The following SUMF1 variants were observed in gnomAD, a reference collection of about 807,000 sequenced individuals.
SUMF1 encodes formylglycine-generating enzyme.
In SUMF1, 48 loss-of-function variants were observed where a neutral mutation model predicts 47.6. The observed-to-expected ratio is 1.01, with a 90% CI of 0.80 to 1.28. The LOEUF is 1.28. Ranked by LOEUF, SUMF1 falls within the 50% of genes most tolerant of loss-of-function variation. SUMF1 has a pLI of 0.00. For synonymous variants in SUMF1, 230 were observed against 192.1 expected (o/e 1.20, Z -1.63); for missense variants, 571 against 485.4 (o/e 1.18, Z -1.66).
At chr3:4,280,064 A>G (rs1162687767) in intron 8 of SUMF1, among the ~76,000 whole-genome samples, 1 of 152,184 alleles carries the variant, frequency 6.6e-6, no homozygotes, top group Non-Finnish European at 1.5e-5. Context: ...TTTGAAAACC[A>G]CTAAGACAGT....
intron 8 of SUMF1, among the ~76,000 whole-genome samples, chr3:4,281,467 T>A (rs775510760): frequency 3.9e-5 from 6 of 152,190 alleles, no homozygotes; most frequent in Non-Finnish European, 7.3e-5. Context: ...GCCATAGATA[T>A]TGATAATTCC....
chr3:4,211,067 T>A (rs1175746308), intron 8 of SUMF1, among the ~76,000 whole-genome samples: 1 of 143,252 alleles, frequency 7.0e-6, no homozygotes, highest in African/African-American at 2.6e-5. Context: ...TGCAGGACCG[T>A]GTGATTGTGT....
At chr3:4,204,864 T>A (rs141629609) in intron 8 of SUMF1, among the ~76,000 whole-genome samples, 57 of 152,226 alleles carry the variant, frequency 3.7e-4, no homozygotes, top group African/African-American at 1.4e-3. Flanking sequence ...GTTAAGTTTA[T>A]CTTATAAAAT....
At chr3:4,451,955 TTAC>T (rs1702986057) in intron 2 of SUMF1, among the ~76,000 whole-genome samples, 1 of 152,140 alleles carries the variant, frequency 6.6e-6, no homozygotes, top group South Asian at 2.1e-4. Context: ...CGTGCTGAGA[TTAC>T]AGGCGTGAGC....
At chr3:4,041,799 T>G (rs1474689558) in intron 9 of SUMF1, among the ~76,000 whole-genome samples, 1 of 152,216 alleles carries the variant, frequency 6.6e-6, no homozygotes. Context: ...TTTGCCTTTT[T>G]CACAGAGAGA....
In SUMF1 at chr3:4,259,071, C is replaced by T. The variant is rs528126399; in HGVS notation, c.1014+117259G>A. Among the ~76,000 whole-genome samples, 791 of 143,716 alleles carry T rather than the reference C, an allele frequency of 5.5e-3. 6 individuals are homozygous for T. The highest frequency in any genetic ancestry group is 0.019 in the African/African-American group (716 of 38,688). 94.3% of individuals were successfully genotyped at this position (143,716 alleles called of 152,430 possible). ...AGGTGGGAATTGAACAATGAGATCACATGGACCCAGGAAGGGGGATATCAC... is the reference window on the plus strand; with the variant it reads ...AGGTGGGAATTGAACAATGAGATCATATGGACCCAGGAAGGGGGATATCAC... On this transcript the variant is annotated intron_variant and NMD_transcript_variant, in intron 8 of 12. Transcript: ENST00000448413.
intron 8 of SUMF1, among the ~76,000 whole-genome samples, chr3:4,206,117 G>T (rs1252092796): frequency 2.6e-5 from 4 of 151,528 alleles, no homozygotes; most frequent in Non-Finnish European, 5.9e-5. Flanking sequence ...ATTTAATATG[G>T]CTAAGCCAGT....
intron 1 of SUMF1, among the ~76,000 whole-genome samples, chr3:4,459,757 A>C (rs201088380): frequency 2.0e-5 from 3 of 152,144 alleles, no homozygotes; most frequent in African/African-American, 7.2e-5. Context: ...CTACCCCCAG[A>C]TAACTGCAGA....
Position 4,418,045 on chromosome 3 carries a change from C to T in SUMF1, c.690G>A (p.Glu230=), listed in dbSNP as rs1469354700. The change falls in exon 5 of 9, where the codon GAG becomes GAA. Residue 230 remains glutamate (E), a synonymous_variant. Transcript: ENST00000272902. ...GGCCTCCTCGACAGCTGTATTCCCA[C>T]TCAGCTTCCGTGGGCAGCCGCTTCC... ...WAGKRLPTEA[E]WEYSCRGGLH... The T allele has an allele frequency of 3.1e-6, 5 of 1,613,952 alleles. No individual in the cohort carries two copies. In the African/African-American group the frequency reaches 6.7e-5, roughly 22 times the overall value.
chr3:4,091,899 A>C (rs75700504), intron 8 of SUMF1, among the ~76,000 whole-genome samples: 4,631 of 151,806 alleles, frequency 0.031, 257 homozygotes, highest in African/African-American at 0.1. Flanking sequence ...AAAAAAAAAA[A>C]AACCATCTTC....
At chr3:4,370,453 T>G (rs1323226527) in intron 8 of SUMF1, among the ~76,000 whole-genome samples, 1 of 152,226 alleles carries the variant, frequency 6.6e-6, no homozygotes, top group Admixed American at 6.5e-5. Context: ...TAGGTTTTTG[T>G]TGAATGGCAT....
chr3:4,297,176 G>A (rs1322058088), intron 8 of SUMF1, among the ~76,000 whole-genome samples: 1 of 152,088 alleles, frequency 6.6e-6, no homozygotes, highest in Non-Finnish European at 1.5e-5. Context: ...AGGCTTTTTA[G>A]GAGATCACTG....
intron 7 of SUMF1, among the ~76,000 whole-genome samples, chr3:4,400,852 A>C (rs1235936417): frequency 6.6e-6 from 1 of 152,184 alleles, no homozygotes; most frequent in Non-Finnish European, 1.5e-5. Context: ...TCTAGGGTAC[A>C]TGTGCACAAC....
At chr3:4,459,550 G>A (rs2582344) in intron 1 of SUMF1, among the ~76,000 whole-genome samples, 32,841 of 152,010 alleles carry the variant, frequency 0.22, 4,155 homozygotes, top group Non-Finnish European at 0.3. Flanking sequence ...GATTCTATGC[G>A]TGTACTTCCC....
chr3:4,171,941 C>A (rs1002887059), intron 8 of SUMF1, among the ~76,000 whole-genome samples: 3 of 152,292 alleles, frequency 2.0e-5, no homozygotes, highest in Non-Finnish European at 4.4e-5. Flanking sequence ...ATACTCCACC[C>A]TTTGAGGCAC....
At chr3:4,243,078 A>G (rs1696579611) in intron 8 of SUMF1, among the ~76,000 whole-genome samples, 1 of 152,072 alleles carries the variant, frequency 6.6e-6, no homozygotes, top group South Asian at 2.1e-4. Context: ...CTCTGATGGT[A>G]GTTTGTATTT....
At chr3:4,207,532 T>C (rs768243273) in intron 8 of SUMF1, among the ~76,000 whole-genome samples, 1 of 152,144 alleles carries the variant, frequency 6.6e-6, no homozygotes, top group African/African-American at 2.4e-5. Flanking sequence ...GTTGGATATT[T>C]TCAAACGTTT....
chr3:4,413,166 G>A (rs1701600122), intron 6 of SUMF1, among the ~76,000 whole-genome samples: 3 of 151,988 alleles, frequency 2.0e-5, no homozygotes, highest in African/African-American at 4.8e-5. Flanking sequence ...CACCACAACC[G>A]ACTAATTTTT....
At position 4,299,113 on chromosome 3, in the gene SUMF1, T is replaced by C. The variant is rs151237817; in HGVS notation, c.1014+77217A>G. On this transcript the variant is annotated intron_variant and NMD_transcript_variant, in intron 8 of 12. Coordinates refer to the SUMF1 transcript ENST00000448413. ...GACTATCTCTTCTTTTAAGGAAGGA[T>C]AGGTACACAACTATATCTGATAAAA... Among the ~76,000 whole-genome samples, 1,073 of 152,354 alleles carry C rather than the reference T, an allele frequency of 7.0e-3. 13 individuals carry two copies. The highest frequency in any genetic ancestry group is 7.6e-3 in the Non-Finnish European group (519 of 68,022).
Sources: allele counts gnomAD v4.1 joint callset (sites outside exome capture counted in the v4.1 genomes callset), GRCh38; gene constraint gnomAD v4.1.1; transcripts MANE v1.5; gene names NCBI Gene and HGNC (gene_info 2026-07-23, HGNC 2026-07-21).